CDH13: variants seen among roughly 807,000 people sequenced by gnomAD.
CDH13 encodes cadherin 13.
In CDH13, 24 loss-of-function variants were observed where a neutral mutation model predicts 63.8. That is an observed-to-expected ratio of 0.38 (90% CI 0.27 to 0.53). The LOEUF (loss-of-function observed/expected upper bound fraction) is 0.53, where lower values mean the gene tolerates loss of function less well. Ranked by LOEUF, CDH13 falls within the 20% of genes least tolerant of loss-of-function variation. The pLI is 0.85. For missense variants in CDH13, 1,049 were observed against 903.1 expected, an observed-to-expected ratio of 1.16 and a Z score of -2.07; for synonymous variants, 503 against 355.3, an observed-to-expected ratio of 1.42 and a Z score of -4.67.
chr16:82,763,245 T>A (rs557890515), intron 1 of CDH13, among the ~76,000 whole-genome samples: 2 of 152,314 alleles, frequency 1.3e-5, no homozygotes, highest in South Asian at 4.1e-4. Context: ...CCTACATAAA[T>A]CAACGTGCCT....
intron 7 of CDH13, among the ~76,000 whole-genome samples, chr16:83,556,467 G>T (rs367723488): frequency 6.6e-6 from 1 of 152,122 alleles, no homozygotes; most frequent in South Asian, 2.1e-4. Context: ...CACATGCGGT[G>T]GTCAATCAGC....
At chr16:83,023,989 C>G (rs1042766788) in intron 2 of CDH13, among the ~76,000 whole-genome samples, 4 of 152,060 alleles carry the variant, frequency 2.6e-5, no homozygotes, top group Non-Finnish European at 5.9e-5. Context: ...AGATTTTGCC[C>G]TTTCTAGAAT....
At chr16:83,341,988 G>T (rs1462857406) in intron 5 of CDH13, among the ~76,000 whole-genome samples, 2 of 66,972 alleles carry the variant, frequency 3.0e-5, no homozygotes, top group Non-Finnish European at 6.5e-5. Flanking sequence ...GGTGTCCCCT[G>T]CCACACACAC....
At position 83,773,825 on chromosome 16, in the gene CDH13, C is replaced by T. The variant is rs1473794301; in HGVS notation, c.1682-6143C>T. Among the ~76,000 whole-genome samples, 4 of 152,292 alleles carry T rather than the reference C, an allele frequency of 2.6e-5. No individual in the cohort carries two copies. The East Asian group carries it at 7.7e-4, about 29-fold the overall frequency. ...ATTCTCCTGGTGGCTGAGCCACAGG[C>T]TCCAACACTGTTCCCCAGTCATGAG... On this transcript the variant is annotated intron_variant, in intron 11 of 13. Transcript: ENST00000567109.
chr16:83,699,913 C>G (rs1032499584), intron 10 of CDH13, among the ~76,000 whole-genome samples: 1 of 152,206 alleles, frequency 6.6e-6, no homozygotes, highest in African/African-American at 2.4e-5. Context: ...TCTGCACTTT[C>G]TCTTTTTAAA....
chr16:82,631,641 G>T (rs1908020338), intron 1 of CDH13, among the ~76,000 whole-genome samples: 1 of 152,192 alleles, frequency 6.6e-6, no homozygotes, highest in South Asian at 2.1e-4. Flanking sequence ...TGGCTCCTCA[G>T]GTATGAACAG....
intron 6 of CDH13, among the ~76,000 whole-genome samples, chr16:83,454,433 C>G (rs996867139): frequency 6.6e-6 from 1 of 152,206 alleles, no homozygotes; most frequent in Non-Finnish European, 1.5e-5. Flanking sequence ...TCCCCTCTGA[C>G]TTTGCTACTT....
At chr16:82,793,281 T>G (rs6565069) in intron 1 of CDH13, among the ~76,000 whole-genome samples, 57,741 of 151,780 alleles carry the variant, frequency 0.38, 11,405 homozygotes, top group South Asian at 0.53. Context: ...ATTGTGGATC[T>G]GAGCGAGATG....
intron 1 of CDH13, among the ~76,000 whole-genome samples, chr16:82,692,106 A>G (rs1915702622): frequency 1.3e-5 from 2 of 152,212 alleles, no homozygotes; most frequent in Admixed American, 1.3e-4. Context: ...TACATGAATT[A>G]TATTGTGGAC....
chr16:83,182,879 T>C (rs1397785342), intron 4 of CDH13, among the ~76,000 whole-genome samples: 1 of 152,186 alleles, frequency 6.6e-6, no homozygotes, highest in Non-Finnish European at 1.5e-5. Flanking sequence ...CTTAAAGGCA[T>C]TTGCATTTTT....
intron 4 of CDH13, among the ~76,000 whole-genome samples, chr16:83,157,976 C>G (rs2037283236): frequency 1.3e-5 from 2 of 152,070 alleles, no homozygotes; most frequent in African/African-American, 4.8e-5. Context: ...TCAGATTGTT[C>G]TAGAAAAGAG....
chr16:83,278,866 G>A (rs917019345), intron 5 of CDH13, among the ~76,000 whole-genome samples: 4 of 152,140 alleles, frequency 2.6e-5, no homozygotes, highest in African/African-American at 9.7e-5. Flanking sequence ...GCCTGGAGAG[G>A]GGAAAGGGCA....
chr16:83,539,895 G>C (rs2075267818), intron 7 of CDH13, among the ~76,000 whole-genome samples: 1 of 152,066 alleles, frequency 6.6e-6, no homozygotes. Flanking sequence ...CATCTATTAG[G>C]GATATCTCCC....
At chr16:82,902,999 C>G (rs1007396969) in intron 2 of CDH13, among the ~76,000 whole-genome samples, 66 of 152,304 alleles carry the variant, frequency 4.3e-4, no homozygotes, top group African/African-American at 1.4e-3. Flanking sequence ...ACTCCTTTCT[C>G]TAGTTCAGGC....
Position 83,678,265 on chromosome 16 carries a change from G to C in CDH13, c.1342G>C (p.Asp448His). 1 of 1,613,940 alleles carries C rather than the reference G, an allele frequency of 6.2e-7. No individual in the cohort carries two copies. Among genetic ancestry groups the C allele is most frequent in the Non-Finnish European group, 8.5e-7 (1 of 1,179,890 alleles). ...HTLLIKVENE[D>H]PLVPDVSYGP... ...CCTGCTGATCAAAGTGGAAAATGAA[G>C]ACCCACTCGTACCCGACGTCTCCTA... The change falls in exon 10 of 14, where the codon GAC becomes CAC. Residue 448 changes from aspartate (D) to histidine (H), a missense_variant. Asp to His is a moderately conservative substitution (Grantham distance 81). Transcript: ENST00000567109.
At chr16:83,472,531 G>A (rs2073483255) in intron 6 of CDH13, among the ~76,000 whole-genome samples, 2 of 152,250 alleles carry the variant, frequency 1.3e-5, no homozygotes, top group Non-Finnish European at 1.5e-5. Context: ...CTCAGGGGCG[G>A]GACTCACAAC....
At chr16:82,686,780 T>A (rs1390957918) in intron 1 of CDH13, among the ~76,000 whole-genome samples, 2 of 152,024 alleles carry the variant, frequency 1.3e-5, no homozygotes, top group Non-Finnish European at 2.9e-5. Flanking sequence ...TAAATGAGAG[T>A]TGATGTTGAG....
At chr16:83,159,048 C>A (rs7206500) in intron 4 of CDH13, among the ~76,000 whole-genome samples, 24,344 of 152,140 alleles carry the variant, frequency 0.16, 1,978 homozygotes, top group South Asian at 0.22. Context: ...TAGTCAGACA[C>A]CTTCAACTTC....
At chr16:82,909,252 A>ATATGTGTGTGTGTGTG (rs1428605467) in intron 2 of CDH13, among the ~76,000 whole-genome samples, 29 of 146,948 alleles carry the variant, frequency 2.0e-4, no homozygotes, top group Non-Finnish European at 3.6e-4. Flanking sequence ...CTGACTGTAT[A>ATATGTGTGTGTGTGTG]TGTGTGTGTG....
Sources: gnomAD v4.1 joint callset for allele counts (sites outside exome capture counted in the v4.1 genomes callset) on GRCh38, gnomAD v4.1.1 for gene constraint, MANE v1.5 for transcripts, NCBI Gene and HGNC (gene_info 2026-07-23, HGNC 2026-07-21) for gene names.